GRIP2: variants seen among roughly 807,000 people sequenced by gnomAD.
GRIP2 encodes the protein glutamate receptor-interacting protein 2.
In GRIP2, 58 loss-of-function variants were observed where a neutral mutation model predicts 108.3. The observed-to-expected ratio is 0.54, with a 90% CI of 0.43 to 0.67. The LOEUF (loss-of-function observed/expected upper bound fraction) is 0.67, where lower values mean the gene tolerates loss of function less well. GRIP2 is among the 30% of genes least tolerant of loss of function. GRIP2 has a pLI of 0.00. For missense variants in GRIP2, 1,278 were observed against 1,430.6 expected, an observed-to-expected ratio of 0.89 and a Z score of 1.72; for synonymous variants, 586 against 598.2, an observed-to-expected ratio of 0.98 and a Z score of 0.30.
the GRIP2 span, chr3:14,572,937 A>T: frequency 2.1e-6 from 3 of 1,406,180 alleles, no homozygotes; most frequent in African/African-American, 4.3e-5. Context: ...CTCACGGCAG[A>T]CAGGATAGAA....
upstream of GRIP2, chr3:14,542,134 TTCTC>T: frequency 9.0e-7 from 1 of 1,116,326 alleles, no homozygotes; most frequent in African/African-American, 1.7e-5. Flanking sequence ...CTCTTTCTCT[TTCTC>T]TCTTTTTATT....
Position 14,538,242 on chromosome 3 carries a change from G to A in GRIP2, c.40+2027C>T, listed in dbSNP as rs973305036. Among the ~76,000 whole-genome samples the A allele has an allele frequency of 2.0e-5, 3 of 152,182 alleles. No individual in the cohort carries two copies. In the East Asian group the frequency reaches 5.8e-4, roughly 29 times the overall value. On this transcript the variant is annotated intron_variant, in intron 1 of 23. Transcript: ENST00000621039. ...TCTGTGCCAAATGTGGAGGTATATG[G>A]CTGTCCTTACCAGCAACAGGGGAGG...
At position 14,507,619 on chromosome 3, in the gene GRIP2, G is replaced by C. The variant is rs758176052; in HGVS notation, c.2160C>G (p.Ile720Met). Residue 720 changes from isoleucine to methionine, a missense_variant, in exon 18 of 24, where the codon ATC becomes ATG. Ile to Met is a conservative substitution (Grantham distance 10). Transcript: ENST00000621039. This position sits in a 1 kb window ranked among gnomAD's most constrained non-coding sequence, Gnocchi z 4.6. ...TCTCTCCAGCCACCTGCAGGAGGTG[G>C]ATGGCCTCGCTCAGCGGCCGGCCCT... ...SLKGRPLSEA[I>M]HLLQVAGETV... The C allele has an allele frequency of 6.2e-7, 1 of 1,614,034 alleles. No individual in the cohort carries two copies. The highest frequency in any genetic ancestry group is 1.1e-5 in the South Asian group (1 of 91,080).
At chr3:14,496,218 G>T (rs529301333) in intron 22 of GRIP2, among the ~76,000 whole-genome samples, 199 bp downstream of exon 22, 2 of 152,312 alleles carry the variant, frequency 1.3e-5, no homozygotes, top group African/African-American at 4.8e-5. Flanking sequence ...AAAAATAATA[G>T]CCCAGTGTGA....
At position 14,522,643 on chromosome 3, in the gene GRIP2, C is replaced by T. The variant is rs768788465; in HGVS notation, c.566+357G>A. The T allele has an allele frequency of 6.7e-5, 16 of 237,284 alleles. No individual in the cohort carries two copies. Among genetic ancestry groups the T allele is most frequent in the Admixed American group, 5.6e-4 (11 of 19,632 alleles). 14.7% of individuals were successfully genotyped at this position (237,284 alleles called of 1,614,324 possible). On this transcript the variant is annotated intron_variant, in intron 6 of 23. Coordinates refer to ENST00000621039, the MANE Select transcript of GRIP2 (RefSeq NM_001080423.4). This position sits in a 1 kb window ranked among gnomAD's most constrained non-coding sequence, Gnocchi z 4.3. ...CAGGAGACTGAGTCACAGACGGCTA[C>T]AGCAGTGGCCAATCAGCGTGCCCCC...
At chr3:14,510,876 C>A (rs556986564) in intron 16 of GRIP2, among the ~76,000 whole-genome samples, 1 of 152,344 alleles carries the variant, frequency 6.6e-6, no homozygotes, top group East Asian at 1.9e-4. Context: ...ACCAGCTGCA[C>A]CAGCTGCACC....
chr3:14,544,676 G>A (rs945689081), upstream of GRIP2, among the ~76,000 whole-genome samples: 1 of 152,152 alleles, frequency 6.6e-6, no homozygotes, highest in Non-Finnish European at 1.5e-5. Context: ...TTCTTCCTCC[G>A]ACCCTCCTCC....
In GRIP2 at chr3:14,524,488, TG is replaced by T. The variant is rs1694500338; in HGVS notation, c.307del (p.His103ThrfsTer2). On this transcript the variant is annotated frameshift_variant, in exon 4 of 24. Coordinates refer to ENST00000621039, the MANE Select transcript of GRIP2 (RefSeq NM_001080423.4). LOFTEE classifies it high-confidence loss of function. ...GDYIRSVNGIHLTRLRHDEII... is the reference protein window; with the variant it reads ...GDYIRSVNGIXLTRLRHDEII... ...CTCATCGTGGCGGAGCCTGGTCAGG[TG>T]GATCCCGTTCACAGACCGAATATAG... 6.4e-7 allele frequency: 1 copy of T among 1,569,004 alleles called. No individual in the cohort carries two copies. The highest frequency in any genetic ancestry group is 8.6e-7 in the Non-Finnish European group (1 of 1,156,712).
Position 14,513,791 on chromosome 3 carries a change from C to G in GRIP2, c.1513G>C (p.Gly505Arg). The G allele has an allele frequency of 6.2e-7, 1 of 1,612,988 alleles. No homozygotes were observed. Among genetic ancestry groups the G allele is most frequent in the Non-Finnish European group, 8.5e-7 (1 of 1,179,630 alleles). ...PAERCGLLQV[G>R]DRVLSINGIA... ...CCATTGATGGACAGGACACGGTCCC[C>G]CACCTGCAGCAGCCCACACCTGAAC... The change falls in exon 13 of 24, where the codon GGG becomes CGG. Residue 505 changes from glycine (G) to arginine (R), a missense_variant. Transcript: ENST00000621039.
At position 14,493,858 on chromosome 3, in the gene GRIP2, G is replaced by A. The variant is rs114140390; in HGVS notation, c.2971-32C>T. Reference sequence around the variant, plus strand: ...GGGGCACAAGCAAGGGAACAGAACCGAGATGTCAGCCCTGCTGCGCTGAAG... The same window carrying A: ...GGGGCACAAGCAAGGGAACAGAACCAAGATGTCAGCCCTGCTGCGCTGAAG... On this transcript the variant is annotated intron_variant, in intron 23 of 23. Transcript: ENST00000621039. 6.8e-5 allele frequency: 109 copies of A among 1,593,156 alleles called. No homozygotes were observed. In the African/African-American group the frequency reaches 1.2e-3, roughly 18 times the overall value.
chr3:14,495,120 G>A, intron 22 of GRIP2, 131 bp from the exon 23 acceptor site: 2 of 1,208,886 alleles, frequency 1.7e-6, no homozygotes, highest in African/African-American at 1.5e-5. Context: ...CAGCACCCCA[G>A]CCTCTTGCCC....
rs982405504 is a variant in GRIP2 at position 14,494,459 on chromosome 3, G to A, written c.2970+384C>T. On this transcript the variant is annotated intron_variant, in intron 23 of 23. Transcript: ENST00000621039. ...GGTCACATGAGGGGTTTGGTCCATCGGCTGTGAAGCAAGGTGATGAGTGTT... is the reference window on the plus strand; with the variant it reads ...GGTCACATGAGGGGTTTGGTCCATCAGCTGTGAAGCAAGGTGATGAGTGTT... Among the ~76,000 whole-genome samples, 9 of 152,342 alleles carry A rather than the reference G, an allele frequency of 5.9e-5. No individual in the cohort carries two copies. The South Asian group carries it at 1.7e-3, about 28-fold the overall frequency.
Position 14,521,573 on chromosome 3 carries a change from G to T in GRIP2, c.712+69C>A. On this transcript the variant is annotated intron_variant, in intron 7 of 23. Transcript: ENST00000621039. The surrounding 1 kb of genome is among the most constrained non-coding windows in gnomAD (Gnocchi z 5.1). ...GCCTTTGCAGTGGTAAAGATCCATG[G>T]CCACTGCCACCTCCCCCCATCCCAG... is the stretch of plus-strand genomic sequence containing the variant. 1 of 1,478,070 alleles carries T rather than the reference G, an allele frequency of 6.8e-7. No individual in the cohort carries two copies. The highest frequency in any genetic ancestry group is 9.1e-7 in the Non-Finnish European group (1 of 1,098,332). The allele number at this position is 1,478,070 out of a possible 1,614,324, so 91.6% of individuals were successfully genotyped here.
chr3:14,523,712 G>A lies in GRIP2; in HGVS notation c.404-14C>T, dbSNP rs751650735. On this transcript the variant is annotated splice_polypyrimidine_tract_variant and intron_variant, in intron 4 of 23. Coordinates refer to ENST00000621039, the MANE Select transcript of GRIP2 (RefSeq NM_001080423.4). ...TATTCTCAGGAGCTGGGGAGAAATG[G>A]AGGACTCCTTTGAGTCCCTCAGTCG... 1 of 1,589,096 alleles carries A rather than the reference G, an allele frequency of 6.3e-7. No homozygotes were observed. The highest frequency in any genetic ancestry group is 8.6e-7 in the Non-Finnish European group (1 of 1,161,394).
upstream of GRIP2, chr3:14,542,184 C>A (rs2124965115): frequency 1.5e-6 from 1 of 671,762 alleles, no homozygotes; most frequent in African/African-American, 1.9e-5. Context: ...GACACAGCGT[C>A]TCACTCTGTC....
chr3:14,564,956 A>T, the GRIP2 span, among the ~76,000 whole-genome samples: 3 of 152,230 alleles, frequency 2.0e-5, no homozygotes, highest in Non-Finnish European at 4.4e-5. Flanking sequence ...CCGTGCGAGC[A>T]TGTGGGTGGT....
chr3:14,539,434 T>G (rs1321092139), intron 1 of GRIP2, among the ~76,000 whole-genome samples: 2 of 152,084 alleles, frequency 1.3e-5, no homozygotes, highest in African/African-American at 4.8e-5. Context: ...GCAGTAAAAG[T>G]CATCGGGGTG....
chr3:14,554,563 C>T (rs1695204203), intron 1 of GRIP2, among the ~76,000 whole-genome samples: 1 of 152,242 alleles, frequency 6.6e-6, no homozygotes, highest in South Asian at 2.1e-4. Context: ...CTCTGTGGAC[C>T]AGGCTTCCAG....
At chr3:14,575,992 G>A in the GRIP2 span, among the ~76,000 whole-genome samples, 1 of 152,350 alleles carries the variant, frequency 6.6e-6, no homozygotes, top group East Asian at 1.9e-4. Context: ...CACCTGCTAA[G>A]TGCAGGCAGC....
Sources: allele counts gnomAD v4.1 joint callset (sites outside exome capture counted in the v4.1 genomes callset), GRCh38; gene constraint gnomAD v4.1.1; non-coding constraint Gnocchi (gnomAD v3.1); transcripts MANE v1.5; gene names NCBI Gene and HGNC (gene_info 2026-07-23, HGNC 2026-07-21).